The following PAK4 variants were observed in gnomAD, a reference collection of about 807,000 sequenced individuals.
PAK4 encodes p21 (RAC1) activated kinase 4, also known as serine/threonine-protein kinase PAK 4.
Under a neutral mutation model 53.5 loss-of-function variants are expected in PAK4, and 49 were observed. The observed-to-expected ratio is 0.92, with a 90% CI of 0.73 to 1.16. PAK4 has a LOEUF of 1.16. Ranked by LOEUF, PAK4 falls within the 50% of genes most tolerant of loss-of-function variation. The pLI is 0.00. For synonymous variants in PAK4, 376 were observed against 375.6 expected, an observed-to-expected ratio of 1.00 and a Z score of -0.01; for missense variants, 824 against 850.7, an observed-to-expected ratio of 0.97 and a Z score of 0.39.
At chr19:39,172,062 G>T (rs1410102915) in intron 2 of PAK4, among the ~76,000 whole-genome samples, 1 of 152,226 alleles carries the variant, frequency 6.6e-6, no homozygotes, top group Non-Finnish European at 1.5e-5. Flanking sequence ...GCCGGGGAGG[G>T]CAGGGGCTGG....
intron 1 of PAK4, 108 bp downstream of exon 2, chr19:39,168,410 C>A (rs1361614396): frequency 1.3e-5 from 2 of 152,168 alleles, no homozygotes; most frequent in African/African-American, 4.8e-5. Flanking sequence ...CTGTGGGAGC[C>A]GCCCCAGCCA....
chr19:39,148,367 T>C (rs2074037733), intron 1 of PAK4, among the ~76,000 whole-genome samples: 1 of 151,930 alleles, frequency 6.6e-6, no homozygotes, highest in Admixed American at 6.6e-5. Context: ...AGCAAAAGTT[T>C]TTAATTTTGT....
intron 1 of PAK4, among the ~76,000 whole-genome samples, chr19:39,135,676 G>A (rs532900410): frequency 2.0e-3 from 297 of 152,050 alleles, no homozygotes; most frequent in Admixed American, 5.9e-3. Flanking sequence ...GGGGCCCAGC[G>A]ACTGAAGGGT....
intron 1 of PAK4, among the ~76,000 whole-genome samples, chr19:39,139,105 G>C (rs896572149): frequency 6.6e-6 from 1 of 152,212 alleles, no homozygotes; most frequent in Non-Finnish European, 1.5e-5. Context: ...AGCTTTGGCA[G>C]GGCCCGTCCC....
In PAK4 at chr19:39,175,269, G is replaced by T; in HGVS notation, c.1233-43G>T. 1.3e-6 allele frequency: 2 copies of T among 1,546,958 alleles called. No homozygotes were observed. The highest frequency in any genetic ancestry group is 1.9e-5 in the Admixed American group (1 of 51,462). Reference sequence around the variant, plus strand: ...GGCTGCGTCCCCCTCGGCACCCCGGGGTGCTGTCCAGCTGGCTGCTCACCC... The same window carrying T: ...GGCTGCGTCCCCCTCGGCACCCCGGTGTGCTGTCCAGCTGGCTGCTCACCC... On this transcript the variant is annotated intron_variant, in intron 5 of 8. Transcript: ENST00000358301. The surrounding 1 kb of genome is among the most constrained non-coding windows in gnomAD (Gnocchi z 4.7).
At chr19:39,177,805 A>T (rs1322180722) in exon 8 of PAK4, 1 of 1,611,690 alleles carries the variant, frequency 6.2e-7, no homozygotes. Flanking sequence ...AAGAACCTGC[A>T]CAAGGTAGGC....
intron 1 of PAK4, among the ~76,000 whole-genome samples, chr19:39,130,971 A>G (rs980032199): frequency 2.6e-5 from 4 of 151,804 alleles, no homozygotes; most frequent in African/African-American, 4.8e-5. Context: ...ACAGTGATGG[A>G]GGAGCGTCCT....
Position 39,173,265 on chromosome 19 carries a change from TGTC to T in PAK4, c.554_556del (p.Val185del). On this transcript the variant is annotated inframe_deletion, in exon 3 of 9. Transcript: ENST00000358301. This position sits in a 1 kb window ranked among gnomAD's most constrained non-coding sequence, Gnocchi z 6.9. ...ACAAACGCCCCCTCTCCGGGCCTGA[TGTC>T]GGCACCCCCCAGCCTGCTGGTCTGG... The T allele has an allele frequency of 1.3e-6, 2 of 1,599,518 alleles. No individual in the cohort carries two copies. The highest frequency in any genetic ancestry group is 2.3e-5 in the East Asian group (1 of 44,276).
intron 1 of PAK4, among the ~76,000 whole-genome samples, chr19:39,165,195 G>A (rs691539): frequency 0.89 from 114,233 of 128,014 alleles, 51,315 homozygotes; most frequent in Non-Finnish European, 0.95. Context: ...TGATGATGAT[G>A]ATAATAATAA....
intron 1 of PAK4, among the ~76,000 whole-genome samples, chr19:39,153,961 T>C (rs1357634745): frequency 6.6e-6 from 1 of 152,150 alleles, no homozygotes; most frequent in Non-Finnish European, 1.5e-5. Flanking sequence ...CTGAAGCAGT[T>C]TCCTTTTGCC....
chr19:39,181,125 T>C (rs1043425829), downstream of PAK4: 1 of 152,342 alleles, frequency 6.6e-6, no homozygotes, highest in Non-Finnish European at 1.5e-5. Context: ...TTTTTTGTTT[T>C]TAGAGACAAG....
chr19:39,167,930 C>G (rs2074405886), intron 1 of PAK4: 1 of 152,384 alleles, frequency 6.6e-6, no homozygotes, highest in African/African-American at 2.4e-5. Flanking sequence ...CAAGACAGAA[C>G]AGAAACTCCA....
intron 2 of PAK4, among the ~76,000 whole-genome samples, chr19:39,170,620 C>T (rs1340218308): frequency 3.3e-5 from 5 of 152,200 alleles, no homozygotes; most frequent in African/African-American, 4.8e-5. Flanking sequence ...AAGGGGAACT[C>T]GGCCAGGTTT....
intron 1 of PAK4, among the ~76,000 whole-genome samples, chr19:39,137,619 A>G (rs1181717648): frequency 6.6e-6 from 1 of 150,842 alleles, no homozygotes; most frequent in Non-Finnish European, 1.5e-5. Context: ...GCAGCTTTCA[A>G]TTTGTTCTTC....
Position 39,144,341 on chromosome 19 carries a change from C to T in PAK4, c.-23+18422C>T, listed in dbSNP as rs549956776. Among the ~76,000 whole-genome samples, 222 of 152,294 alleles carry T rather than the reference C, an allele frequency of 1.5e-3. 2 individuals carry two copies. Among genetic ancestry groups the T allele is most frequent in the African/African-American group, 5.1e-3 (212 of 41,572 alleles). ...CACACCGTGTGAACGGCACCCTCCT[C>T]GCTGCCTTCTTTTGCACCAGGATGG... On this transcript the variant is annotated intron_variant, in intron 1 of 8. Coordinates refer to ENST00000358301, the Ensembl canonical transcript of PAK4.
chr19:39,149,126 C>T (rs2074053674), intron 1 of PAK4, among the ~76,000 whole-genome samples: 1 of 152,170 alleles, frequency 6.6e-6, no homozygotes, highest in Non-Finnish European at 1.5e-5. Context: ...CCTTGTGACC[C>T]AGCAATTCCG....
At chr19:39,147,971 A>G (rs1006405784) in intron 1 of PAK4, among the ~76,000 whole-genome samples, 2 of 57,514 alleles carry the variant, frequency 3.5e-5, no homozygotes, top group African/African-American at 1.9e-4. Context: ...TTTTTTTTTT[A>G]GATGGAGTCT....
intron 2 of PAK4, among the ~76,000 whole-genome samples, chr19:39,171,502 T>C (rs751132530): frequency 6.6e-6 from 1 of 152,162 alleles, no homozygotes; most frequent in Non-Finnish European, 1.5e-5. Context: ...GCTTCTTGCC[T>C]CAACGCCCTG....
intron 1 of PAK4, among the ~76,000 whole-genome samples, chr19:39,131,458 C>G (rs1428706848): frequency 6.6e-6 from 1 of 152,186 alleles, no homozygotes; most frequent in Non-Finnish European, 1.5e-5. Flanking sequence ...ATCACCGAGC[C>G]CAGCCCCGCA....
Sources: allele counts gnomAD v4.1 joint callset (sites outside exome capture counted in the v4.1 genomes callset), GRCh38; gene constraint gnomAD v4.1.1; non-coding constraint Gnocchi (gnomAD v3.1); transcripts MANE v1.5; gene names NCBI Gene and HGNC (gene_info 2026-07-23, HGNC 2026-07-21).